The following DLG2 variants were observed in gnomAD, a reference collection of about 807,000 sequenced individuals.
The protein encoded by DLG2 is discs large MAGUK scaffold protein 2, also known as disks large homolog 2.
In DLG2, 45 loss-of-function variants were observed where a neutral mutation model predicts 132.5. The ratio of observed to expected loss-of-function variants is 0.34; its 90% CI spans 0.27 to 0.44. The LOEUF (loss-of-function observed/expected upper bound fraction) is 0.44. Ranked by LOEUF, DLG2 falls within the 20% of genes least tolerant of loss-of-function variation. DLG2 has a pLI of 1.00. For missense variants in DLG2, 1,045 were observed against 1,196.9 expected (o/e 0.87, Z 1.87); for synonymous variants, 424 against 419.6 (o/e 1.01, Z -0.13).
chr11:83,938,941 T>C (rs1432959011), intron 14 of DLG2, among the ~76,000 whole-genome samples: 1 of 152,154 alleles, frequency 6.6e-6, no homozygotes, highest in Non-Finnish European at 1.5e-5. Context: ...AATCACCACT[T>C]TGACCTCTAA....
chr11:85,100,927 A>T (rs2070751025), intron 6 of DLG2, among the ~76,000 whole-genome samples: 1 of 152,156 alleles, frequency 6.6e-6, no homozygotes, highest in South Asian at 2.1e-4. Flanking sequence ...TGATTTTTAA[A>T]TTTGCAAATG....
At chr11:85,514,683 C>T (rs2094139863) in intron 3 of DLG2, among the ~76,000 whole-genome samples, 3 of 151,988 alleles carry the variant, frequency 2.0e-5, no homozygotes, top group South Asian at 4.1e-4. Context: ...TTGTTTTAAA[C>T]AGAGTTGTTA....
At chr11:85,080,806 G>T (rs2067138517) in intron 6 of DLG2, among the ~76,000 whole-genome samples, 2 of 152,066 alleles carry the variant, frequency 1.3e-5, no homozygotes, top group Non-Finnish European at 2.9e-5. Flanking sequence ...GGTGTTTACT[G>T]TATCTTAGTT....
intron 11 of DLG2, among the ~76,000 whole-genome samples, chr11:84,027,270 GCAGAGTTTC>G (rs2095561753): frequency 6.6e-6 from 1 of 152,090 alleles, no homozygotes; most frequent in African/African-American, 2.4e-5. Flanking sequence ...AAAAATAAAA[GCAGAGTTTC>G]CACTCCTACA....
In DLG2 at chr11:85,422,008, T is replaced by C. The variant is rs532586843; in HGVS notation, c.41-136643A>G. ...TTGTTTTATTTGAGGAGGATGAAGA[T>C]AGGGCCCCAATCCCTTCTAGCTTGT... On this transcript the variant is annotated intron_variant, in intron 3 of 27. Transcript: ENST00000376104. Among the ~76,000 whole-genome samples the C allele has an allele frequency of 3.3e-5, 5 of 152,330 alleles. No individual in the cohort carries two copies. In the South Asian group the frequency reaches 6.2e-4, roughly 19 times the overall value.
intron 6 of DLG2, among the ~76,000 whole-genome samples, chr11:84,726,685 C>T (rs1466887462): frequency 6.6e-6 from 1 of 152,152 alleles, no homozygotes; most frequent in Non-Finnish European, 1.5e-5. Flanking sequence ...TGAGGAATTG[C>T]CACATGGTCT....
chr11:85,167,605 A>G (rs1328746624), intron 4 of DLG2, among the ~76,000 whole-genome samples: 2 of 152,150 alleles, frequency 1.3e-5, no homozygotes, highest in East Asian at 3.9e-4. Flanking sequence ...ACAGGCCTTA[A>G]GTCTGCCTAG....
chr11:84,573,401 C>T (rs1010313386), intron 6 of DLG2, among the ~76,000 whole-genome samples: 2 of 152,022 alleles, frequency 1.3e-5, no homozygotes, highest in Admixed American at 6.6e-5. Flanking sequence ...AATGCAAAGA[C>T]TATGATGACA....
intron 6 of DLG2, among the ~76,000 whole-genome samples, chr11:84,952,608 ACTGGACACATG>A (rs1349156918): frequency 6.6e-6 from 1 of 151,500 alleles, no homozygotes; most frequent in East Asian, 1.9e-4. Context: ...AAAAAAAAAG[ACTGGACACATG>A]CAGGAATTGT....
intron 6 of DLG2, among the ~76,000 whole-genome samples, chr11:84,963,657 G>A (rs1038549521): frequency 1.5e-4 from 23 of 152,282 alleles, no homozygotes; most frequent in African/African-American, 5.5e-4. Context: ...ATATTCAGAT[G>A]ATTCATATGA....
intron 6 of DLG2, among the ~76,000 whole-genome samples, chr11:85,011,670 A>G (rs1011901242): frequency 6.6e-6 from 1 of 152,200 alleles, no homozygotes; most frequent in African/African-American, 2.4e-5. Flanking sequence ...GATTTCCTCT[A>G]TAAGAAATTT....
chr11:83,602,101 A>C (rs79989616), intron 19 of DLG2, among the ~76,000 whole-genome samples: 2,340 of 152,294 alleles, frequency 0.015, 70 homozygotes, highest in African/African-American at 0.053. Flanking sequence ...GGACAGAGGA[A>C]ATGAATGAAC....
chr11:83,656,958 C>T (rs1326262293), intron 18 of DLG2, among the ~76,000 whole-genome samples: 2 of 152,164 alleles, frequency 1.3e-5, no homozygotes, highest in African/African-American at 4.8e-5. Context: ...CTTCTCCCTA[C>T]AAGGCCTTTG....
At chr11:84,975,468 A>G (rs1421094282) in intron 6 of DLG2, among the ~76,000 whole-genome samples, 1 of 152,214 alleles carries the variant, frequency 6.6e-6, no homozygotes, top group African/African-American at 2.4e-5. Context: ...AATGCCCAGT[A>G]CTTCAAGACA....
intron 3 of DLG2, among the ~76,000 whole-genome samples, chr11:85,376,413 C>T (rs983457658): frequency 2.0e-5 from 3 of 152,172 alleles, no homozygotes; most frequent in African/African-American, 7.2e-5. Flanking sequence ...AGAGGACTCT[C>T]CTACTCATGG....
intron 6 of DLG2, among the ~76,000 whole-genome samples, chr11:84,571,137 T>C (rs577380087): frequency 6.6e-6 from 1 of 152,266 alleles, no homozygotes; most frequent in South Asian, 2.1e-4. Context: ...ACCCTGTTTT[T>C]TCATAAATAC....
intron 6 of DLG2, among the ~76,000 whole-genome samples, chr11:84,904,503 T>C (rs1361201550): frequency 6.6e-6 from 1 of 152,198 alleles, no homozygotes; most frequent in Non-Finnish European, 1.5e-5. Flanking sequence ...TCCTAAATGT[T>C]TTCTATGCTT....
intron 6 of DLG2, chr11:84,639,995 GA>G: frequency 4.2e-6 from 1 of 238,466 alleles, no homozygotes; most frequent in East Asian, 1.3e-4. Flanking sequence ...TGGCAAGAAT[GA>G]AGACTATTCT....
intron 17 of DLG2, chr11:83,791,658 G>C (rs1409693576): frequency 3.1e-6 from 1 of 326,900 alleles, no homozygotes; most frequent in Non-Finnish European, 5.8e-6. Context: ...GGTCAGCCGG[G>C]CGCGGTGGCT....
Sources: allele counts gnomAD v4.1 joint callset (sites outside exome capture counted in the v4.1 genomes callset), GRCh38; gene constraint gnomAD v4.1.1; transcripts MANE v1.5; gene names NCBI Gene and HGNC (gene_info 2026-07-23, HGNC 2026-07-21).